TCF12: variants seen among roughly 807,000 people sequenced by gnomAD.
The protein encoded by TCF12 is DNA-binding protein HTF4.
TCF12 carries 45 observed loss-of-function variants against 86.0 expected under a neutral mutation model. The observed-to-expected ratio is 0.52, with a 90% CI of 0.41 to 0.67. TCF12 has a LOEUF of 0.67. Ranked by LOEUF, TCF12 falls within the 30% of genes least tolerant of loss-of-function variation. TCF12 has a pLI of 0.00. For synonymous variants in TCF12, 330 were observed against 299.6 expected (o/e 1.10, Z -1.05); for missense variants, 881 against 859.9 (o/e 1.02, Z -0.31).
intron 11 of TCF12, among the ~76,000 whole-genome samples, chr15:57,233,491 T>G (rs1163334318): frequency 6.6e-6 from 1 of 152,088 alleles, no homozygotes; most frequent in Admixed American, 6.6e-5. Context: ...TTTTTTATTT[T>G]TATTCATTTA....
intron 3 of TCF12, among the ~76,000 whole-genome samples, chr15:56,942,849 A>T (rs1352765640): frequency 2.6e-5 from 4 of 152,122 alleles, no homozygotes; most frequent in Non-Finnish European, 5.9e-5. Context: ...TTTGCAGAGG[A>T]AGTGCTTTAT....
chr15:57,221,800 T>C (rs1034752601), intron 8 of TCF12, among the ~76,000 whole-genome samples: 10 of 152,160 alleles, frequency 6.6e-5, no homozygotes, highest in Non-Finnish European at 1.5e-4. Context: ...TTAGAAGTCA[T>C]TGGCAACATT....
rs1037788879 is a variant in TCF12, at chr15:57,042,048, C to G, written c.149-21702C>G. Among the ~76,000 whole-genome samples, 6 of 152,140 alleles carry G rather than the reference C, an allele frequency of 3.9e-5. No homozygotes were observed. The South Asian group carries it at 1.0e-3, about 26-fold the overall frequency. On this transcript the variant is annotated intron_variant, in intron 3 of 20. Transcript: ENST00000333725. ...TTTATATTAATATAATTGCCATTTT[C>G]TAGCCATTGCCTGCATGCCCATTTA...
At chr15:57,277,350 G>C (rs541499889) in intron 19 of TCF12, among the ~76,000 whole-genome samples, 2 of 152,086 alleles carry the variant, frequency 1.3e-5, no homozygotes, top group South Asian at 4.2e-4. Context: ...TAAGTTGGCA[G>C]CCGGGTGCAG....
chr15:57,173,732 G>T (rs1375318788), intron 6 of TCF12, among the ~76,000 whole-genome samples: 2 of 149,476 alleles, frequency 1.3e-5, no homozygotes, highest in African/African-American at 2.5e-5. Flanking sequence ...TTTTTAGACA[G>T]AGTCTCACTC....
intron 4 of TCF12, among the ~76,000 whole-genome samples, chr15:57,071,207 G>C (rs570948427): frequency 5.3e-5 from 8 of 150,626 alleles, no homozygotes; most frequent in Middle Eastern, 3.4e-3. Context: ...AAGAGTTTGA[G>C]ACCAGCCTGG....
At chr15:57,214,372 A>T (rs1359880791) in intron 8 of TCF12, 2 of 152,064 alleles carry the variant, frequency 1.3e-5, no homozygotes, top group Non-Finnish European at 2.9e-5. Flanking sequence ...TCAGAAAGAG[A>T]TTTATTTGCT....
chr15:57,136,958 G>GTTTTTTTTTTTTT lies in TCF12; in HGVS notation c.326-29433_326-29432insTTTTTTTTTTTTT, dbSNP rs869113042. ...TAGACAATAGCCACTGCTTCTGGCA[G>GTTTTTTTTTTTTT]TTTTTTTTTTTGTTTTTTTTTTTTT... On this transcript the variant is annotated intron_variant, in intron 5 of 20. Coordinates refer to ENST00000333725, the MANE Select transcript of TCF12 (RefSeq NM_207037.2). Among the ~76,000 whole-genome samples, 32 of 83,044 alleles carry GTTTTTTTTTTTTT rather than the reference G, an allele frequency of 3.9e-4. 14 individuals are homozygous for GTTTTTTTTTTTTT. The highest frequency in any genetic ancestry group is 1.1e-3 in the African/African-American group (23 of 20,800). The allele number at this position is 83,044 out of a possible 152,430, so 54.5% of individuals were successfully genotyped here. A position where few individuals can be genotyped will look rare whatever the true frequency, so the allele number is the denominator to read the frequency against.
chr15:56,978,652 T>C (rs1468759824), intron 3 of TCF12, among the ~76,000 whole-genome samples: 4 of 152,206 alleles, frequency 2.6e-5, no homozygotes, highest in African/African-American at 9.7e-5. Context: ...CTTTTGTTTT[T>C]AGTAGTCAAT....
chr15:57,273,444 G>A (rs907284227), intron 19 of TCF12, among the ~76,000 whole-genome samples, 182 bp downstream of exon 19: 5 of 151,750 alleles, frequency 3.3e-5, no homozygotes, highest in Admixed American at 1.3e-4. Context: ...CCCAATATCT[G>A]TGGGCTGAGT....
rs869113042 is a variant in TCF12 at position 57,136,958 on chromosome 15, G to GTTTTTTTTTTTTTTTTTTTTTTTTTTTT, written c.326-29433_326-29432insTTTTTTTTTTTTTTTTTTTTTTTTTTTT. 7.2e-5 allele frequency among the ~76,000 whole-genome samples: 6 copies of GTTTTTTTTTTTTTTTTTTTTTTTTTTTT among 83,000 alleles called. 3 individuals carry two copies. Among genetic ancestry groups the GTTTTTTTTTTTTTTTTTTTTTTTTTTTT allele is most frequent in the Admixed American group, 3.2e-4 (2 of 6,168 alleles). The allele number at this position is 83,000 out of a possible 152,430, so 54.5% of individuals were successfully genotyped here. ...TAGACAATAGCCACTGCTTCTGGCAGTTTTTTTTTTTGTTTTTTTTTTTTT... is the reference window on the plus strand; with the variant it reads ...TAGACAATAGCCACTGCTTCTGGCAGTTTTTTTTTTTTTTTTTTTTTTTTTTTTTTTTTTTTTTTGTTTTTTTTTTTTT... On this transcript the variant is annotated intron_variant, in intron 5 of 20. Transcript: ENST00000333725.
At chr15:57,106,799 C>A (rs1236330395) in intron 5 of TCF12, among the ~76,000 whole-genome samples, 1 of 152,088 alleles carries the variant, frequency 6.6e-6, no homozygotes, top group Admixed American at 6.5e-5. Context: ...TAATAATAAG[C>A]CTATGAAGAA....
chr15:56,977,881 C>T (rs1249298657), intron 3 of TCF12, among the ~76,000 whole-genome samples: 1 of 152,144 alleles, frequency 6.6e-6, no homozygotes, highest in Non-Finnish European at 1.5e-5. Flanking sequence ...ACTTCATCCT[C>T]AGAGTTTTCA....
chr15:56,991,064 G>A lies in TCF12; in HGVS notation c.148+69966G>A, dbSNP rs117955861. Among the ~76,000 whole-genome samples the A allele has an allele frequency of 5.1e-3, 771 of 152,230 alleles. 14 individuals are homozygous for A. The highest frequency in any genetic ancestry group is 0.039 in the East Asian group (203 of 5,180). On this transcript the variant is annotated intron_variant, in intron 3 of 20. Coordinates refer to ENST00000333725, the MANE Select transcript of TCF12 (RefSeq NM_207037.2). ...TCCCACCTCAGCCTCCCAAAGTGCT[G>A]ACATTACAGACGCGAGCCACTGTGC...
chr15:56,940,932 T>TA (rs1354349454), intron 3 of TCF12, among the ~76,000 whole-genome samples: 2 of 150,178 alleles, frequency 1.3e-5, no homozygotes, highest in African/African-American at 4.9e-5. Flanking sequence ...TTTTTTTTTT[T>TA]TCTTTTTGGG....
chr15:56,954,114 T>A (rs1466677543), intron 3 of TCF12, among the ~76,000 whole-genome samples: 1 of 152,218 alleles, frequency 6.6e-6, no homozygotes, highest in Non-Finnish European at 1.5e-5. Context: ...ATTGGATTGT[T>A]ATTTTCATTT....
At chr15:57,235,219 A>G (rs988066628) in intron 12 of TCF12, among the ~76,000 whole-genome samples, 5 of 152,168 alleles carry the variant, frequency 3.3e-5, no homozygotes. Context: ...AAAACCCACA[A>G]AATATTTCAG....
intron 5 of TCF12, among the ~76,000 whole-genome samples, chr15:57,104,592 C>G (rs1023777925): frequency 3.3e-5 from 5 of 151,516 alleles, no homozygotes; most frequent in Admixed American, 2.0e-4. Context: ...CAGGCGCGCA[C>G]ACCCAGCTAA....
At chr15:57,080,648 C>T (rs2070554489) in intron 4 of TCF12, among the ~76,000 whole-genome samples, 1 of 152,256 alleles carries the variant, frequency 6.6e-6, no homozygotes, top group East Asian at 1.9e-4. Context: ...AGGGCCCTGA[C>T]CCAAAAGATT....
Sources: gnomAD v4.1 joint callset for allele counts (sites outside exome capture counted in the v4.1 genomes callset) on GRCh38, gnomAD v4.1.1 for gene constraint, MANE v1.5 for transcripts, NCBI Gene and HGNC (gene_info 2026-07-23, HGNC 2026-07-21) for gene names.